Variants in UHRF1 observed in about 807,000 individuals in gnomAD.
UHRF1 encodes E3 ubiquitin-protein ligase UHRF1.
UHRF1 carries 9 observed loss-of-function variants against 96.5 expected under a neutral mutation model. That is an observed-to-expected ratio of 0.09 (90% CI 0.06 to 0.16). UHRF1 has a LOEUF of 0.16. UHRF1 is among the 10% of genes least tolerant of loss of function. The pLI is 1.00. For missense variants in UHRF1, 626 were observed against 1,131.1 expected (o/e 0.55, Z 6.40); for synonymous variants, 455 against 469.9 (o/e 0.97, Z 0.41).
At chr19:4,904,244 T>G (rs2032014752) in intron 1 of UHRF1, among the ~76,000 whole-genome samples, 1 of 152,114 alleles carries the variant, frequency 6.6e-6, no homozygotes, top group Non-Finnish European at 1.5e-5. Context: ...AGTGGTGCGA[T>G]CTCGGCTCAC....
chr19:4,933,957 TTGTGTGTGTGTGTGCG>T (rs996757589), intron 5 of UHRF1, among the ~76,000 whole-genome samples: 103 of 97,784 alleles, frequency 1.1e-3, no homozygotes, highest in African/African-American at 3.4e-3. Flanking sequence ...CCTTGCCTCT[TTGTGTGTGTGTGTGCG>T]TGTGTGTGTG....
chr19:4,956,227 G>A lies in UHRF1; in HGVS notation c.2131-482G>A, dbSNP rs565068917. 7.9e-5 allele frequency among the ~76,000 whole-genome samples: 12 copies of A among 152,182 alleles called. No individual in the cohort carries two copies. In the South Asian group the frequency reaches 2.1e-3, roughly 26 times the overall value. ...ATTACAGGCGTGAGCCACCATGCCC[G>A]GCCTATTTTTTAATTTTTTGTAGAG... On this transcript the variant is annotated intron_variant, in intron 15 of 16. Coordinates refer to ENST00000650932, the MANE Select transcript of UHRF1 (RefSeq NM_001048201.3).
intron 5 of UHRF1, among the ~76,000 whole-genome samples, chr19:4,937,761 T>A (rs2033262458): frequency 6.6e-6 from 1 of 152,222 alleles, no homozygotes; most frequent in Non-Finnish European, 1.5e-5. Flanking sequence ...AGCCTTATAA[T>A]GTGAGCTGGG....
At chr19:4,922,869 C>T (rs186919093) in intron 2 of UHRF1, among the ~76,000 whole-genome samples, 15 of 152,364 alleles carry the variant, frequency 9.8e-5, no homozygotes, top group African/African-American at 1.9e-4. Context: ...GTCCCTCCTA[C>T]GTAGCCCACG....
chr19:4,939,820 C>G (rs2602719), intron 5 of UHRF1, among the ~76,000 whole-genome samples: 35 of 152,178 alleles, frequency 2.3e-4, no homozygotes, highest in East Asian at 1.7e-3. Flanking sequence ...GTCAGGAGAT[C>G]GAGACCATCC....
At chr19:4,903,918 A>G (rs777557269) in intron 1 of UHRF1, among the ~76,000 whole-genome samples, 7 of 152,332 alleles carry the variant, frequency 4.6e-5, no homozygotes, top group Non-Finnish European at 7.3e-5. Flanking sequence ...TGATCAGGGC[A>G]GTGTGTGCTT....
intron 7 of UHRF1, 110 bp from the exon 8 acceptor site, chr19:4,944,022 T>C: frequency 6.7e-7 from 1 of 1,503,202 alleles, no homozygotes. Context: ...GGCAGGATGG[T>C]AGTGGTGCCA....
intron 2 of UHRF1, among the ~76,000 whole-genome samples, chr19:4,917,111 GTTTTTTTTT>G (rs59815341): frequency 1.3e-5 from 1 of 77,190 alleles, no homozygotes; most frequent in East Asian, 5.3e-4. Context: ...TTAAGTTTTC[GTTTTTTTTT>G]TTTTTTTTTT....
At chr19:4,940,031 A>AC (rs2033343028) in intron 5 of UHRF1, among the ~76,000 whole-genome samples, 3 of 152,130 alleles carry the variant, frequency 2.0e-5, no homozygotes, top group African/African-American at 7.2e-5. Context: ...CAAAAAAAAA[A>AC]AAAAAAACAC....
At position 4,910,930 on chromosome 19, in the gene UHRF1, G is replaced by A; in HGVS notation, c.45G>A (p.Thr15=). 1.2e-6 allele frequency: 2 copies of A among 1,613,618 alleles called. No homozygotes were observed. Among genetic ancestry groups the A allele is most frequent in the Non-Finnish European group, 1.7e-6 (2 of 1,179,648 alleles). Residue 15 remains threonine (T), a synonymous_variant, in exon 2 of 17, where the codon ACG becomes ACA. Coordinates refer to ENST00000650932, the MANE Select transcript of UHRF1 (RefSeq NM_001048201.3). The part of the protein sequence containing the change: ...VRTMDGRQTH[T]VDSLSRLTKV... ...CCATGGACGGGAGGCAGACCCACAC[G>A]GTGGACTCGCTGTCCAGGCTGACCA... is the stretch of plus-strand genomic sequence containing the variant.
chr19:4,955,649 G>T (rs183220133), intron 15 of UHRF1, among the ~76,000 whole-genome samples: 2 of 152,052 alleles, frequency 1.3e-5, no homozygotes, highest in African/African-American at 4.8e-5. Flanking sequence ...CCCACCCTAC[G>T]CTGGGGCAGC....
chr19:4,932,660 C>T (rs896251710), intron 4 of UHRF1, 81 bp from the exon 5 acceptor site: 15 of 1,496,446 alleles, frequency 1.0e-5, no homozygotes, highest in African/African-American at 2.8e-5. Flanking sequence ...CGGGAGGGGC[C>T]GTCCCACCTC....
At chr19:4,938,838 G>T (rs1171547551) in intron 5 of UHRF1, among the ~76,000 whole-genome samples, 1 of 146,232 alleles carries the variant, frequency 6.8e-6, no homozygotes, top group Non-Finnish European at 1.5e-5. Flanking sequence ...CAACCTCCTG[G>T]GCTCAAGCAA....
chr19:4,948,507 C>G (rs897505992), intron 11 of UHRF1, among the ~76,000 whole-genome samples: 15 of 152,204 alleles, frequency 9.9e-5, no homozygotes, highest in Admixed American at 9.2e-4. Context: ...CAACAAGAAA[C>G]TCATAGAAGA....
intron 15 of UHRF1, among the ~76,000 whole-genome samples, chr19:4,955,869 G>A (rs996895627): frequency 1.3e-5 from 2 of 152,168 alleles, no homozygotes; most frequent in African/African-American, 2.4e-5. Flanking sequence ...ATGGACAAAG[G>A]TCACTGCCTC....
rs922963285 is a variant in UHRF1, at chr19:4,919,129, A to G, written c.153+8091A>G. Among the ~76,000 whole-genome samples the G allele has an allele frequency of 3.3e-5, 5 of 150,772 alleles. No individual in the cohort carries two copies. In the East Asian group the frequency reaches 9.8e-4, roughly 30 times the overall value. On this transcript the variant is annotated intron_variant, in intron 2 of 16. Coordinates refer to ENST00000650932, the MANE Select transcript of UHRF1 (RefSeq NM_001048201.3). ...AACCCCTGCCTCTTGGGCTCAAGCAATCCTCCCACCACAGCCTTCCAGGTA... is the reference window on the plus strand; with the variant it reads ...AACCCCTGCCTCTTGGGCTCAAGCAGTCCTCCCACCACAGCCTTCCAGGTA...
upstream of UHRF1, chr19:4,909,245 T>C (rs531216468): frequency 1.9e-6 from 1 of 514,564 alleles, no homozygotes; most frequent in African/African-American, 2.1e-5. Flanking sequence ...GCTCCTGGGG[T>C]GTCCACGTGC....
At chr19:4,929,529 T>A in intron 3 of UHRF1, 53 bp downstream of exon 3, 1 of 1,573,058 alleles carries the variant, frequency 6.4e-7, no homozygotes, top group South Asian at 1.2e-5. Context: ...CCTGCCATTC[T>A]GGTCTTTGCA....
rs935452288 is a variant in UHRF1, at chr19:4,950,688, C to T, written c.1595C>T (p.Pro532Leu). ...AEAKDWRSGK[P>L]VRVVRNVKGG... ...GCCAAGGACTGGCGGTCGGGGAAGC[C>T]GGTCAGGGTGGTGCGCAATGTCAAG... The change falls in exon 12 of 17, where the codon CCG (proline) becomes CTG (leucine). Residue 532 changes from proline (P) to leucine (L), a missense_variant. Pro to Leu is a moderately conservative substitution (Grantham distance 98). Coordinates refer to ENST00000650932, the MANE Select transcript of UHRF1 (RefSeq NM_001048201.3). 2 of 1,608,366 alleles carry T rather than the reference C, an allele frequency of 1.2e-6. No homozygotes were observed. The highest frequency in any genetic ancestry group is 8.5e-7 in the Non-Finnish European group (1 of 1,177,500).
Sources: allele counts gnomAD v4.1 joint callset (sites outside exome capture counted in the v4.1 genomes callset), GRCh38; gene constraint gnomAD v4.1.1; transcripts MANE v1.5; gene names NCBI Gene and HGNC (gene_info 2026-07-23, HGNC 2026-07-21).